CCDC3: variants seen among roughly 807,000 people sequenced by gnomAD.
CCDC3 encodes coiled-coil domain-containing protein 3.
Under a neutral mutation model 21.4 loss-of-function variants are expected in CCDC3, and 24 were observed. The ratio of observed to expected loss-of-function variants is 1.12; its 90% confidence interval spans 0.81 to 1.58. The LOEUF (loss-of-function observed/expected upper bound fraction) is 1.58, where lower values mean the gene tolerates loss of function less well. CCDC3 is among the 40% of genes most tolerant of loss of function. CCDC3 has a pLI of 0.00. For missense variants in CCDC3, 425 were observed against 360.9 expected, an observed-to-expected ratio of 1.18 and a Z score of -1.44; for synonymous variants, 186 against 166.0, an observed-to-expected ratio of 1.12 and a Z score of -0.93.
chr10:12,925,434 G>T (rs908115403), intron 2 of CCDC3, among the ~76,000 whole-genome samples: 2 of 152,168 alleles, frequency 1.3e-5, no homozygotes, highest in African/African-American at 4.8e-5. Flanking sequence ...CATATTTCAA[G>T]GCCCTCTAAG....
At chr10:13,044,232 G>A (rs1304565822) in intron 5 of CCDC3, among the ~76,000 whole-genome samples, 3 of 152,170 alleles carry the variant, frequency 2.0e-5, no homozygotes, top group Non-Finnish European at 4.4e-5. Context: ...AATTGTTTAA[G>A]TTCCTTATAG....
chr10:12,958,334 G>A lies in CCDC3; in HGVS notation c.549+40004C>T, dbSNP rs567264856. ...GAACTGCAACCTGACACCATGAGGC[G>A]ACAGACCTAAGAGCCAAGCCAGCAG... On this transcript the variant is annotated intron_variant, in intron 2 of 2. Coordinates refer to ENST00000378825, the MANE Select transcript of CCDC3 (RefSeq NM_031455.4). Among the ~76,000 whole-genome samples, 559 of 152,214 alleles carry A rather than the reference G, an allele frequency of 3.7e-3. 2 individuals carry two copies. The highest frequency in any genetic ancestry group is 6.0e-3 in the Non-Finnish European group (405 of 68,034).
intron 2 of CCDC3, among the ~76,000 whole-genome samples, chr10:12,912,458 T>A (rs1039228777): frequency 1.3e-5 from 2 of 152,252 alleles, no homozygotes; most frequent in African/African-American, 4.8e-5. Context: ...GCCCATTTTT[T>A]AAATCAGGTT....
At chr10:13,074,915 G>A (rs1426009280) in intron 3 of CCDC3, among the ~76,000 whole-genome samples, 1 of 152,154 alleles carries the variant, frequency 6.6e-6, no homozygotes, top group African/African-American at 2.4e-5. Flanking sequence ...GACAATATGA[G>A]TGCCTTCTTT....
rs181001232 is a variant in CCDC3, at chr10:13,096,114, C to G, written c.-503+2411G>C. Among the ~76,000 whole-genome samples, 5 of 151,732 alleles carry G rather than the reference C, an allele frequency of 3.3e-5. No homozygotes were observed. In the East Asian group the frequency reaches 9.7e-4, roughly 29 times the overall value. On this transcript the variant is annotated intron_variant, in intron 3 of 6. Transcript: ENST00000378839. ...ATCTTTTCTTTTCTTTTCCTTCCTTCCTTCCTTCCCTCCTTCCTTTCTCTC... is the reference window on the plus strand; with the variant it reads ...ATCTTTTCTTTTCTTTTCCTTCCTTGCTTCCTTCCCTCCTTCCTTTCTCTC...
At chr10:13,013,892 T>G (rs1836015286) in intron 5 of CCDC3, among the ~76,000 whole-genome samples, 1 of 152,236 alleles carries the variant, frequency 6.6e-6, no homozygotes, top group South Asian at 2.1e-4. Context: ...GGCTCACACC[T>G]GTAATCCCAG....
intron 4 of CCDC3, among the ~76,000 whole-genome samples, chr10:13,052,938 TCACACACACACACACACACA>T (rs56261341): frequency 2.2e-4 from 30 of 134,438 alleles, no homozygotes; most frequent in East Asian, 4.5e-4. Flanking sequence ...TGAGACTCTG[TCACACACACACACACACACA>T]CACACACACA....
intron 5 of CCDC3, among the ~76,000 whole-genome samples, chr10:13,034,336 C>T (rs1329341232): frequency 1.0e-4 from 9 of 88,590 alleles, no homozygotes; most frequent in African/African-American, 3.9e-4. Context: ...ACACCGGGGC[C>T]TGTTGGGGGG....
At position 12,998,335 on chromosome 10, in the gene CCDC3, T is replaced by C. The variant is rs1209563354; in HGVS notation, c.549+3A>G. On this transcript the variant is annotated splice_donor_region_variant and intron_variant, in intron 2 of 2. Coordinates refer to ENST00000378825, the MANE Select transcript of CCDC3 (RefSeq NM_031455.4). ...TGTGGCACAGGATTTAGCCAATTCT[T>C]ACCCTACTGTCTTCCTGGATTTCCC... The C allele has an allele frequency of 1.2e-6, 2 of 1,613,534 alleles. No homozygotes were observed. Among genetic ancestry groups the C allele is most frequent in the Admixed American group, 1.7e-5 (1 of 59,928 alleles).
At chr10:12,908,617 T>TC (rs1834215566) in intron 2 of CCDC3, among the ~76,000 whole-genome samples, 1 of 151,314 alleles carries the variant, frequency 6.6e-6, no homozygotes, top group Non-Finnish European at 1.5e-5. Flanking sequence ...TTTTTCTTTT[T>TC]TTTTTTTTTT....
intron 5 of CCDC3, among the ~76,000 whole-genome samples, chr10:13,009,938 A>C (rs1251161): frequency 0.81 from 122,516 of 152,148 alleles, 50,262 homozygotes; most frequent in Non-Finnish European, 0.88. Context: ...TTCAGAATAC[A>C]TAAAGAATTC....
chr10:12,969,438 T>C (rs917847932), intron 2 of CCDC3, among the ~76,000 whole-genome samples: 11 of 152,092 alleles, frequency 7.2e-5, no homozygotes, highest in Middle Eastern at 3.4e-3. Flanking sequence ...TGTTCAATTA[T>C]GGTAAATATA....
rs538382708 is a variant in CCDC3, at chr10:12,924,861, G to A, written c.550-26182C>T. 3 of 152,268 alleles carry A rather than the reference G, an allele frequency of 2.0e-5. No homozygotes were observed. In the East Asian group the frequency reaches 5.8e-4, roughly 29 times the overall value. The allele number at this position is 152,268 out of a possible 1,614,324, so 9.4% of individuals were successfully genotyped here. A position where few individuals can be genotyped will look rare whatever the true frequency, so the allele number is the denominator to read the frequency against. ...AATCTCCAAATATGTGGTCAATTTG[G>A]GTCTCATGAGCTTGAGGGACAGTGA... On this transcript the variant is annotated intron_variant, in intron 2 of 2. Transcript: ENST00000378825.
At chr10:12,951,737 G>A (rs757451888) in intron 2 of CCDC3, among the ~76,000 whole-genome samples, 15 of 144,844 alleles carry the variant, frequency 1.0e-4, no homozygotes, top group East Asian at 8.2e-4. Flanking sequence ...CCTGGGAGGC[G>A]GAGGTTGCAG....
At chr10:13,065,903 C>T (rs541422295) in intron 4 of CCDC3, among the ~76,000 whole-genome samples, 1 of 152,270 alleles carries the variant, frequency 6.6e-6, no homozygotes, top group African/African-American at 2.4e-5. Flanking sequence ...TGATAGGGCA[C>T]TATAAATGTT....
At chr10:12,935,290 C>T (rs916122466) in intron 2 of CCDC3, among the ~76,000 whole-genome samples, 3 of 152,070 alleles carry the variant, frequency 2.0e-5, no homozygotes, top group Non-Finnish European at 4.4e-5. Flanking sequence ...ACAATTTCAG[C>T]TCACTGCAAC....
At chr10:12,918,111 C>T (rs1834386038) in intron 2 of CCDC3, among the ~76,000 whole-genome samples, 1 of 152,166 alleles carries the variant, frequency 6.6e-6, no homozygotes, top group Non-Finnish European at 1.5e-5. Context: ...ATACGGCTCC[C>T]TTCCCTACCC....
At chr10:13,024,757 G>A (rs909152550) in intron 5 of CCDC3, among the ~76,000 whole-genome samples, 24 of 152,160 alleles carry the variant, frequency 1.6e-4, no homozygotes, top group African/African-American at 5.5e-4. Context: ...TTTTCTGCCT[G>A]AAAATCTCCT....
At chr10:13,013,851 A>T (rs776435581) in intron 5 of CCDC3, among the ~76,000 whole-genome samples, 52 of 152,324 alleles carry the variant, frequency 3.4e-4, no homozygotes, top group Non-Finnish European at 6.9e-4. Flanking sequence ...AGATTGAAGG[A>T]GATGAAAAAG....
Sources: gnomAD v4.1 joint callset for allele counts (sites outside exome capture counted in the v4.1 genomes callset) on GRCh38, gnomAD v4.1.1 for gene constraint, MANE v1.5 for transcripts, NCBI Gene and HGNC (gene_info 2026-07-23, HGNC 2026-07-21) for gene names.